USH1C: variants seen among roughly 807,000 people sequenced by gnomAD.
The protein encoded by USH1C is harmonin.
USH1C carries 90 observed loss-of-function variants against 119.3 expected under a neutral mutation model. That is an observed-to-expected ratio of 0.75 (90% CI 0.64 to 0.90). The LOEUF is 0.90. USH1C is among the 40% of genes least tolerant of loss of function. The probability of loss-of-function intolerance (pLI) is 0.00; values close to 1 mark genes in which losing one functional copy is unlikely to be tolerated. For synonymous variants in USH1C, 465 were observed against 443.3 expected (o/e 1.05, Z -0.62); for missense variants, 1,165 against 1,167.7 (o/e 1.00, Z 0.03).
intron 1 of USH1C, chr11:17,533,691 C>T (rs570133594): frequency 2.0e-6 from 1 of 489,272 alleles, no homozygotes; most frequent in African/African-American, 1.9e-5. Context: ...CTGTGTCATC[C>T]ATGGCCAGAA....
intron 14 of USH1C, chr11:17,517,481 A>T: frequency 6.3e-7 from 1 of 1,586,294 alleles, no homozygotes. Context: ...TCATCTACCC[A>T]GGGAAAAGAG....
At chr11:17,525,955 C>T (rs1850648921) in intron 8 of USH1C, among the ~76,000 whole-genome samples, 1 of 152,158 alleles carries the variant, frequency 6.6e-6, no homozygotes. Context: ...AATCCCAGGG[C>T]TTTGGGAGGC....
chr11:17,511,232 C>T (rs1379198584), intron 16 of USH1C, among the ~76,000 whole-genome samples: 3 of 152,092 alleles, frequency 2.0e-5, no homozygotes, highest in Admixed American at 6.6e-5. Flanking sequence ...TTGAGGGGAG[C>T]AGCCTTAGAC....
rs761821724 is a variant in USH1C, at chr11:17,522,858, C to A, written c.945G>T (p.Gln315His). ...CCAGCCGCTTCTGCATGAGAAGCTC[C>A]TGCCGCTGCAGCTCACGCTGCCGCG... ...AEARQRELQR[Q>H]ELLMQKRLAM... The change falls in exon 12 of 27, where the codon CAG becomes CAT. Residue 315 changes from glutamine (Q) to histidine (H), a missense_variant. Gln to His is a conservative substitution (Grantham distance 24). Coordinates refer to ENST00000005226, the MANE Select transcript of USH1C (RefSeq NM_153676.4). 1.9e-6 allele frequency: 3 copies of A among 1,612,984 alleles called. No individual in the cohort carries two copies. Among genetic ancestry groups the A allele is most frequent in the Non-Finnish European group, 2.5e-6 (3 of 1,179,764 alleles).
chr11:17,518,234 T>C (rs1448339459), intron 14 of USH1C, among the ~76,000 whole-genome samples: 1 of 152,260 alleles, frequency 6.6e-6, no homozygotes, highest in African/African-American at 2.4e-5. Flanking sequence ...GGAACCCTGA[T>C]GCTCCCTTAC....
intron 8 of USH1C, among the ~76,000 whole-genome samples, chr11:17,525,373 A>G (rs905029877): frequency 6.6e-6 from 1 of 152,226 alleles, no homozygotes; most frequent in Non-Finnish European, 1.5e-5. Context: ...CTTGGCACAA[A>G]ACATTGAATA....
intron 14 of USH1C, among the ~76,000 whole-genome samples, chr11:17,518,728 C>G (rs571412831): frequency 3.3e-5 from 5 of 152,292 alleles, no homozygotes; most frequent in African/African-American, 1.2e-4. Context: ...TTAAAAAATG[C>G]AGGGCCCGGG....
intron 4 of USH1C, 144 bp from the exon 5 acceptor site, chr11:17,527,475 C>A: frequency 1.4e-6 from 1 of 715,256 alleles, no homozygotes; most frequent in African/African-American, 1.8e-5. Flanking sequence ...TGATCTCAAC[C>A]AACCCACCCT....
intron 21 of USH1C, 46 bp from the exon 22 acceptor site, chr11:17,501,581 T>C (rs780634496): frequency 2.5e-6 from 4 of 1,590,248 alleles, no homozygotes; most frequent in East Asian, 4.5e-5. Flanking sequence ...GCCTGAAGGA[T>C]GGCGCTTGGG....
intron 22 of USH1C, 129 bp from the exon 23 acceptor site, chr11:17,501,279 C>A: frequency 9.7e-7 from 1 of 1,034,192 alleles, no homozygotes; most frequent in South Asian, 1.4e-5. Flanking sequence ...GCAGTGCCAT[C>A]TGGAGAAAAC....
Position 17,527,329 on chromosome 11 carries a change from T to G in USH1C, c.390A>C (p.Val130=). ...GGQADSVGLQ[V]GDEIVRINGY... is the part of the protein sequence containing the mutation. ...CATTGATCCGGACGATCTCGTCCCC[T>G]ACCTTGACCACAGAGAGAGGCAGGG... Residue 130 remains valine (V), a splice_region_variant and synonymous_variant, in exon 5 of 27, where the codon GTA becomes GTC. Coordinates refer to ENST00000005226, the MANE Select transcript of USH1C (RefSeq NM_153676.4). 1 of 1,609,828 alleles carries G rather than the reference T, an allele frequency of 6.2e-7. No individual in the cohort carries two copies.
At chr11:17,525,622 G>A (rs1429394660) in intron 8 of USH1C, among the ~76,000 whole-genome samples, 1 of 152,192 alleles carries the variant, frequency 6.6e-6, no homozygotes, top group Non-Finnish European at 1.5e-5. Flanking sequence ...TGGGATCTGA[G>A]TAACGGTGGC....
At chr11:17,528,285 C>T (rs1328672446) in intron 4 of USH1C, among the ~76,000 whole-genome samples, 3 of 152,198 alleles carry the variant, frequency 2.0e-5, no homozygotes, top group Admixed American at 6.5e-5. Flanking sequence ...GCAGCCAGCC[C>T]TGGATACAGA....
chr11:17,499,232 G>C (rs1331810299), intron 23 of USH1C, among the ~76,000 whole-genome samples: 1 of 152,194 alleles, frequency 6.6e-6, no homozygotes, highest in African/African-American at 2.4e-5. Flanking sequence ...CATTGAAATA[G>C]ATCACCCAGG....
chr11:17,517,317 G>T, intron 14 of USH1C: 1 of 1,393,418 alleles, frequency 7.2e-7, no homozygotes, highest in Non-Finnish European at 9.9e-7. Context: ...GGCCCCTGAA[G>T]CTGGGTGTCT....
At chr11:17,494,620 A>AG (rs1242656614) in intron 26 of USH1C, 1 of 590,650 alleles carries the variant, frequency 1.7e-6, no homozygotes, top group African/African-American at 1.9e-5. Context: ...ACTGGGAGGA[A>AG]CAGGGGCAAG....
chr11:17,512,045 C>G lies in USH1C; in HGVS notation c.1270G>C (p.Asp424His). 6.2e-7 allele frequency: 1 copy of G among 1,614,216 alleles called. No homozygotes were observed. Among genetic ancestry groups the G allele is most frequent in the Non-Finnish European group, 8.5e-7 (1 of 1,180,032 alleles). ...KFPTIRKKGK[D>H]KKKAKYGSLQ... Reference sequence around the variant, plus strand: ...CTGCCATACTTGGCTTTCTTCTTATCTTTTCCTTTCTGAGTAGATGTGGCA... The same window carrying G: ...CTGCCATACTTGGCTTTCTTCTTATGTTTTCCTTTCTGAGTAGATGTGGCA... The change falls in exon 16 of 27, where the codon GAT becomes CAT. Residue 424 changes from aspartate (D) to histidine (H), a missense_variant. Transcript: ENST00000005226.
At chr11:17,496,330 G>A (rs770916389) in intron 25 of USH1C, among the ~76,000 whole-genome samples, 7 of 152,166 alleles carry the variant, frequency 4.6e-5, no homozygotes, top group African/African-American at 1.2e-4. Flanking sequence ...CTGTGGTCCC[G>A]GCTGCCTAGA....
rs1006618618 is a variant in USH1C at position 17,494,244 on chromosome 11, G to T, written c.*88C>A. 44 of 1,469,040 alleles carry T rather than the reference G, an allele frequency of 3.0e-5. No individual in the cohort carries two copies. In the African/African-American group the frequency reaches 5.4e-4, roughly 18 times the overall value. The allele number at this position is 1,469,040 out of a possible 1,614,324, so 91.0% of individuals were successfully genotyped here. A position where few individuals can be genotyped will look rare whatever the true frequency, so the allele number is the denominator to read the frequency against. On this transcript the variant is annotated 3_prime_UTR_variant, in exon 27 of 27. Coordinates refer to ENST00000005226, the MANE Select transcript of USH1C (RefSeq NM_153676.4). ...CCTGGGTGATAGATTCAGGTCCCAA[G>T]GATGCCATCTGGTGTGTGTAGTGTG...
Sources: allele counts gnomAD v4.1 joint callset (sites outside exome capture counted in the v4.1 genomes callset), GRCh38; gene constraint gnomAD v4.1.1; transcripts MANE v1.5; gene names NCBI Gene and HGNC (gene_info 2026-07-23, HGNC 2026-07-21).